The following RABGAP1 variants were observed in gnomAD, a reference collection of about 807,000 sequenced individuals.
RABGAP1 encodes the protein RAB GTPase activating protein 1.
In RABGAP1, 23 loss-of-function variants were observed where a neutral mutation model predicts 137.6. That is an observed-to-expected ratio of 0.17 (90% CI 0.12 to 0.24). RABGAP1 has a LOEUF of 0.24. Among genes scored for constraint, RABGAP1 ranks in the 10% least tolerant of loss-of-function variants. The probability of loss-of-function intolerance (pLI) is 1.00; values close to 1 mark genes in which losing one functional copy is unlikely to be tolerated. For missense variants in RABGAP1, 906 were observed against 1,275.8 expected (o/e 0.71, Z 4.42); for synonymous variants, 451 against 450.7 (o/e 1.00, Z -0.01).
At chr9:123,029,963 TCTTTTC>T (rs2032206069) in intron 13 of RABGAP1, among the ~76,000 whole-genome samples, 1 of 152,228 alleles carries the variant, frequency 6.6e-6, no homozygotes, top group South Asian at 2.1e-4. Flanking sequence ...TTTGAACAGG[TCTTTTC>T]CTTTTTTTGT....
At chr9:123,063,385 T>C (rs1333532105) in intron 13 of RABGAP1, 1 of 152,710 alleles carries the variant, frequency 6.5e-6, no homozygotes, top group Admixed American at 6.5e-5. Context: ...TTTAAGTCTT[T>C]TCATGCATTT....
chr9:123,076,521 G>T, intron 18 of RABGAP1, 113 bp from the exon 19 acceptor site: 1 of 1,294,768 alleles, frequency 7.7e-7, no homozygotes. Flanking sequence ...CAAAAGCTAA[G>T]AAGTATCTTC....
At chr9:123,073,709 A>C (rs1339477071) in intron 16 of RABGAP1, 32 bp downstream of exon 16, 3 of 1,613,028 alleles carry the variant, frequency 1.9e-6, no homozygotes, top group Non-Finnish European at 2.5e-6. Context: ...TGTTTGACAA[A>C]AAGAGTACAG....
chr9:122,973,496 G>A (rs1310445250), intron 2 of RABGAP1, among the ~76,000 whole-genome samples: 1 of 151,948 alleles, frequency 6.6e-6, no homozygotes, highest in African/African-American at 2.4e-5. Context: ...GCCTCCCAAA[G>A]TGCTGGGATT....
intron 8 of RABGAP1, chr9:122,996,848 T>C: frequency 2.1e-6 from 1 of 479,170 alleles, no homozygotes; most frequent in Non-Finnish European, 3.7e-6. Context: ...AATATTTGAG[T>C]ACAGTTGATG....
At position 122,985,536 on chromosome 9, in the gene RABGAP1, C is replaced by T. The variant is rs951237090; in HGVS notation, c.386-679C>T. 2.7e-5 allele frequency among the ~76,000 whole-genome samples: 4 copies of T among 150,394 alleles called. No homozygotes were observed. The Admixed American group carries it at 2.7e-4, about 10-fold the overall frequency. On this transcript the variant is annotated intron_variant, in intron 3 of 25. Coordinates refer to ENST00000373647, the MANE Select transcript of RABGAP1 (RefSeq NM_012197.4). Reference sequence around the variant, plus strand: ...CTGAGGCAGCGGGAATTGCTTGAAACCAGGAGGTGGAGGTTGCAGTGAGCC... The same window carrying T: ...CTGAGGCAGCGGGAATTGCTTGAAATCAGGAGGTGGAGGTTGCAGTGAGCC...
At chr9:123,041,536 T>C (rs2032952005) in intron 13 of RABGAP1, among the ~76,000 whole-genome samples, 1 of 152,180 alleles carries the variant, frequency 6.6e-6, no homozygotes, top group Non-Finnish European at 1.5e-5. Context: ...ATGACAGACC[T>C]CCTGCTAAAT....
chr9:122,988,911 C>G (rs1836511303), intron 4 of RABGAP1, among the ~76,000 whole-genome samples: 1 of 150,090 alleles, frequency 6.7e-6, no homozygotes, highest in Admixed American at 6.7e-5. Flanking sequence ...CCATTGCACT[C>G]CAGCCTGGGC....
At chr9:122,966,865 A>G (rs1206094615) in intron 2 of RABGAP1, among the ~76,000 whole-genome samples, 2 of 152,234 alleles carry the variant, frequency 1.3e-5, no homozygotes, top group Non-Finnish European at 2.9e-5. Flanking sequence ...GGATGGAAGC[A>G]GGCAAGAGAA....
chr9:123,061,108 A>G (rs143534169), intron 13 of RABGAP1, among the ~76,000 whole-genome samples: 332 of 152,122 alleles, frequency 2.2e-3, no homozygotes, highest in African/African-American at 6.9e-3. Flanking sequence ...TTGTTTATTC[A>G]TTTTTGTTGT....
chr9:122,971,215 A>G (rs1261836141), intron 2 of RABGAP1, among the ~76,000 whole-genome samples: 3 of 152,178 alleles, frequency 2.0e-5, no homozygotes, highest in Non-Finnish European at 4.4e-5. Flanking sequence ...TAGCTTGGAC[A>G]CTAATTTGGA....
Position 123,030,026 on chromosome 9 carries a change from G to C in RABGAP1, c.1794+9567G>C, listed in dbSNP as rs77756851. ...CTTTTCTTTTTAAGCCTGTCATTTT[G>C]TTATTTTAATTATTTTGGCTTTTAA... is the stretch of plus-strand genomic sequence containing the variant. On this transcript the variant is annotated intron_variant, in intron 13 of 25. Transcript: ENST00000373647. 3.9e-3 allele frequency among the ~76,000 whole-genome samples: 589 copies of C among 152,182 alleles called. 4 individuals are homozygous for C. The highest frequency in any genetic ancestry group is 0.013 in the African/African-American group (532 of 41,510).
intron 21 of RABGAP1, among the ~76,000 whole-genome samples, chr9:123,091,025 G>A (rs2035017501): frequency 6.6e-6 from 1 of 152,220 alleles, no homozygotes; most frequent in Non-Finnish European, 1.5e-5. Flanking sequence ...AAGTGTTTGA[G>A]GCTTATGGCC....
At chr9:122,936,816 G>A (rs1481483217), upstream of RABGAP1, among the ~76,000 whole-genome samples, 1 of 152,164 alleles carries the variant, frequency 6.6e-6, no homozygotes, top group Non-Finnish European at 1.5e-5. Context: ...ATATTCAAAA[G>A]CAATCACTTA....
chr9:123,044,243 G>C (rs2033097831), intron 13 of RABGAP1, among the ~76,000 whole-genome samples: 1 of 152,120 alleles, frequency 6.6e-6, no homozygotes, highest in African/African-American at 2.4e-5. Context: ...CCACATTTAG[G>C]AAAAGAGATG....
chr9:123,076,676 T>C lies in RABGAP1; in HGVS notation c.2338T>C (p.Leu780=), dbSNP rs1223299745. The part of the protein sequence containing the change: ...DLLLTDFEGA[L]KFFRVQLPKR... Reference sequence around the variant, plus strand: ...GCTGTTGACAGACTTTGAAGGTGCCTTGAAGTTCTTTAGGGTTCAGCTTCC... The same window carrying C: ...GCTGTTGACAGACTTTGAAGGTGCCCTGAAGTTCTTTAGGGTTCAGCTTCC... Residue 780 remains leucine, a synonymous_variant, in exon 19 of 26, where the codon TTG becomes CTG. Coordinates refer to ENST00000373647, the MANE Select transcript of RABGAP1 (RefSeq NM_012197.4). 1 of 1,608,434 alleles carries C rather than the reference T, an allele frequency of 6.2e-7. No individual in the cohort carries two copies. The highest frequency in any genetic ancestry group is 1.7e-5 in the Admixed American group (1 of 59,174).
intron 1 of RABGAP1, among the ~76,000 whole-genome samples, chr9:122,952,687 G>C (rs887705403): frequency 6.6e-6 from 1 of 152,176 alleles, no homozygotes; most frequent in Admixed American, 6.5e-5. Flanking sequence ...AGTGAGCTAG[G>C]ATCACACTAC....
At chr9:123,009,901 A>G (rs946422295) in intron 10 of RABGAP1, among the ~76,000 whole-genome samples, 6 of 152,142 alleles carry the variant, frequency 3.9e-5, no homozygotes, top group Non-Finnish European at 7.4e-5. Flanking sequence ...AGAAGTAAGA[A>G]TTTTCTTAGT....
intron 1 of RABGAP1, among the ~76,000 whole-genome samples, chr9:122,952,425 A>G (rs1415685838): frequency 1.3e-5 from 2 of 150,420 alleles, no homozygotes; most frequent in African/African-American, 4.9e-5. Flanking sequence ...TGCCTGGCTA[A>G]TTTTTTTTTC....
Sources: allele counts gnomAD v4.1 joint callset (sites outside exome capture counted in the v4.1 genomes callset), GRCh38; gene constraint gnomAD v4.1.1; transcripts MANE v1.5; gene names NCBI Gene and HGNC (gene_info 2026-07-23, HGNC 2026-07-21).